The following AJAP1 variants were observed in gnomAD, a reference collection of about 807,000 sequenced individuals.
AJAP1 encodes the protein adherens junctions associated protein 1, also known as adherens junction-associated protein 1.
Under a neutral mutation model 35.0 loss-of-function variants are expected in AJAP1, and 5 were observed. The observed-to-expected ratio is 0.14, with a 90% CI of 0.07 to 0.30. AJAP1 has a LOEUF of 0.30. AJAP1 is among the 10% of genes least tolerant of loss of function. The pLI, the probability that AJAP1 is intolerant of heterozygous loss-of-function variation, is 1.00. For missense variants in AJAP1, 586 were observed against 571.0 expected, an observed-to-expected ratio of 1.03 and a Z score of -0.27; for synonymous variants, 284 against 249.3, an observed-to-expected ratio of 1.14 and a Z score of -1.31.
At chr1:4,755,522 A>C (rs945813543) in intron 2 of AJAP1, among the ~76,000 whole-genome samples, 5 of 151,882 alleles carry the variant, frequency 3.3e-5, no homozygotes, top group Admixed American at 6.6e-5. Flanking sequence ...TGCTCCAGGG[A>C]GATTAAGCTG....
intron 2 of AJAP1, among the ~76,000 whole-genome samples, chr1:4,759,856 C>T (rs772219124): frequency 3.3e-5 from 5 of 152,044 alleles, no homozygotes; most frequent in African/African-American, 7.2e-5. Flanking sequence ...GCTGCTAACA[C>T]GCAGGGCCCA....
In AJAP1 at chr1:4,785,575, G is replaced by A. The variant is rs1642148119; in HGVS notation, c.*3090G>A. 1 of 152,132 alleles carries A rather than the reference G, an allele frequency of 6.6e-6. No homozygotes were observed. Among genetic ancestry groups the A allele is most frequent in the Non-Finnish European group, 1.5e-5 (1 of 68,038 alleles). The allele number at this position is 152,132 out of a possible 1,614,324, so 9.4% of individuals were successfully genotyped here. A position where few individuals can be genotyped will look rare whatever the true frequency, so the allele number is the denominator to read the frequency against. The stretch of plus-strand genomic sequence containing the variant: ...AGACTTGTCCTACTTCGGGCCATAT[G>A]TATAGGTAATGCCCATGTACTTTGT... On this transcript the variant is annotated 3_prime_UTR_variant, in exon 6 of 6. Transcript: ENST00000378191.
At chr1:4,687,295 G>C (rs1437432501) in intron 1 of AJAP1, among the ~76,000 whole-genome samples, 3 of 152,184 alleles carry the variant, frequency 2.0e-5, no homozygotes, top group Non-Finnish European at 4.4e-5. Context: ...AGCCGTGGAT[G>C]GGTTTCCACA....
At chr1:4,769,772 T>G (rs569427006) in intron 2 of AJAP1, 81 bp from the exon 3 acceptor site, 1 of 1,225,372 alleles carries the variant, frequency 8.2e-7, no homozygotes, top group South Asian at 1.2e-5. Context: ...GTTGGGGGGA[T>G]GCACCTCCAC....
At chr1:4,756,284 G>A (rs113549778) in intron 2 of AJAP1, among the ~76,000 whole-genome samples, 3,712 of 152,306 alleles carry the variant, frequency 0.024, 132 homozygotes, top group African/African-American at 0.082. Context: ...GCAGCTCAGG[G>A]AGGGCTGCAG....
At chr1:4,735,073 G>A (rs1640886647) in intron 2 of AJAP1, among the ~76,000 whole-genome samples, 1 of 152,216 alleles carries the variant, frequency 6.6e-6, no homozygotes, top group Admixed American at 6.5e-5. Flanking sequence ...CGACCCTTGA[G>A]GGTGATAGAG....
intron 2 of AJAP1, among the ~76,000 whole-genome samples, chr1:4,743,241 A>G (rs577543926): frequency 6.6e-6 from 1 of 152,190 alleles, no homozygotes. Flanking sequence ...TAGGAATTTC[A>G]TCAGGTCCCA....
chr1:4,717,898 C>T (rs1640432465), intron 2 of AJAP1, among the ~76,000 whole-genome samples: 1 of 152,166 alleles, frequency 6.6e-6, no homozygotes, highest in African/African-American at 2.4e-5. Context: ...AATTAAGTTG[C>T]TGGGTGTTTG....
intron 1 of AJAP1, among the ~76,000 whole-genome samples, chr1:4,668,385 G>A (rs1639183823): frequency 6.6e-6 from 1 of 152,050 alleles, no homozygotes; most frequent in African/African-American, 2.4e-5. Context: ...TGTGTTGTGA[G>A]GTTGTAGGTG....
chr1:4,767,704 C>T (rs1049454079), intron 2 of AJAP1, among the ~76,000 whole-genome samples: 5 of 151,816 alleles, frequency 3.3e-5, no homozygotes, highest in African/African-American at 1.2e-4. Context: ...CCATCATTAT[C>T]ATTACCATCA....
chr1:4,752,736 A>G (rs940773378), intron 2 of AJAP1, among the ~76,000 whole-genome samples: 15 of 152,064 alleles, frequency 9.9e-5, no homozygotes, highest in Admixed American at 6.6e-5. Context: ...GCCCACCCCC[A>G]TGCTCCAGTA....
intron 5 of AJAP1, 86 bp downstream of exon 5, chr1:4,774,644 G>A: frequency 1.3e-6 from 1 of 759,672 alleles, no homozygotes; most frequent in South Asian, 1.7e-5. Flanking sequence ...GGGATCACTG[G>A]GAGCTCTTTT....
intron 2 of AJAP1, among the ~76,000 whole-genome samples, chr1:4,752,654 T>A (rs1641344650): frequency 6.6e-6 from 1 of 152,214 alleles, no homozygotes; most frequent in Admixed American, 6.5e-5. Context: ...TGTCACTATT[T>A]GCTTCAGGGA....
intron 2 of AJAP1, among the ~76,000 whole-genome samples, chr1:4,739,219 C>T (rs925337909): frequency 1.3e-5 from 2 of 152,204 alleles, no homozygotes; most frequent in South Asian, 2.1e-4. Context: ...CGGGGAAAGA[C>T]GATCTCACAC....
rs1638877027 is a variant in AJAP1, at chr1:4,656,170, C to T, written c.29+716C>T. 6.6e-6 allele frequency among the ~76,000 whole-genome samples: 1 copy of T among 152,146 alleles called. No individual in the cohort carries two copies. Among genetic ancestry groups the T allele is most frequent in the African/African-American group, 2.4e-5 (1 of 41,442 alleles). On this transcript the variant is annotated intron_variant, in intron 1 of 5. Coordinates refer to ENST00000378191, the MANE Select transcript of AJAP1 (RefSeq NM_018836.4). The surrounding 1 kb of genome is among the most constrained non-coding windows in gnomAD (Gnocchi z 5.7). ...CTTGTCTGTGTCTGGGACTCCAGGG[C>T]CAGATGGAAGAGGGGGTTCGAGCCT...
chr1:4,768,656 G>A (rs776941958), intron 2 of AJAP1, among the ~76,000 whole-genome samples: 5 of 152,236 alleles, frequency 3.3e-5, no homozygotes, highest in South Asian at 4.1e-4. Context: ...AGCCCCAGGC[G>A]GAGACAGGAC....
chr1:4,733,882 G>C (rs537538949), intron 2 of AJAP1, among the ~76,000 whole-genome samples: 1 of 152,112 alleles, frequency 6.6e-6, no homozygotes, highest in African/African-American at 2.4e-5. Flanking sequence ...GAAGATTCTT[G>C]TTCTGATTTC....
rs1438175457 is a variant in AJAP1 at position 4,734,304 on chromosome 1, G to T, written c.829+21605G>T. ...CTATTAACAGCGCTGCGTCCATACT[G>T]GGAGCCAGGTTCTGACAGCTGACTT... is the stretch of plus-strand genomic sequence containing the variant. On this transcript the variant is annotated intron_variant, in intron 2 of 5. Transcript: ENST00000378191. The surrounding 1 kb of genome is among the most constrained non-coding windows in gnomAD (Gnocchi z 4.3). Among the ~76,000 whole-genome samples the T allele has an allele frequency of 6.6e-6, 1 of 152,142 alleles. No homozygotes were observed. Among genetic ancestry groups the T allele is most frequent in the Admixed American group, 6.5e-5 (1 of 15,280 alleles).
intron 2 of AJAP1, among the ~76,000 whole-genome samples, chr1:4,758,183 C>T (rs577685603): frequency 3.0e-4 from 46 of 152,210 alleles, no homozygotes; most frequent in Middle Eastern, 3.4e-3. Flanking sequence ...TTATAAATTA[C>T]CCAGTCTCAG....
Sources: allele counts gnomAD v4.1 joint callset (sites outside exome capture counted in the v4.1 genomes callset), GRCh38; gene constraint gnomAD v4.1.1; non-coding constraint Gnocchi (gnomAD v3.1); transcripts MANE v1.5; gene names NCBI Gene and HGNC (gene_info 2026-07-23, HGNC 2026-07-21).